Variants in EYS observed in about 807,000 individuals in gnomAD.
EYS encodes protein eyes shut homolog.
EYS carries 250 observed loss-of-function variants against 282.1 expected under a neutral mutation model. That is an observed-to-expected ratio of 0.89 (90% CI 0.80 to 0.98). The LOEUF (loss-of-function observed/expected upper bound fraction) is 0.98. Ranked by LOEUF, EYS falls within the 50% of genes least tolerant of loss-of-function variation. The probability of loss-of-function intolerance (pLI) is 0.00; values close to 1 mark genes in which losing one functional copy is unlikely to be tolerated. For synonymous variants in EYS, 1,355 were observed against 1,282.9 expected (o/e 1.06, Z -1.20); for missense variants, 4,016 against 3,709.0 (o/e 1.08, Z -2.15).
At chr6:64,533,239 ATAAT>A (rs1764409816) in intron 26 of EYS, among the ~76,000 whole-genome samples, 1 of 152,170 alleles carries the variant, frequency 6.6e-6, no homozygotes, top group African/African-American at 2.4e-5. Flanking sequence ...CTTCTCACAC[ATAAT>A]TAGAGCTAGA....
intron 31 of EYS, among the ~76,000 whole-genome samples, chr6:64,201,992 A>T (rs1426754539): frequency 1.3e-5 from 2 of 152,206 alleles, no homozygotes; most frequent in Admixed American, 1.3e-4. Flanking sequence ...GACAGACCCT[A>T]CAAAACATGT....
intron 33 of EYS, among the ~76,000 whole-genome samples, chr6:64,004,671 T>G (rs2149806695): frequency 6.6e-6 from 1 of 152,270 alleles, no homozygotes; most frequent in African/African-American, 2.4e-5. Flanking sequence ...CCCTTTGAGC[T>G]AAGCACTTAA....
At chr6:64,586,018 T>C (rs995469280) in intron 26 of EYS, among the ~76,000 whole-genome samples, 1 of 152,110 alleles carries the variant, frequency 6.6e-6, no homozygotes. Flanking sequence ...GTTTGAACTT[T>C]TTGTTGCTTA....
chr6:64,711,963 T>A (rs183368592), intron 22 of EYS, among the ~76,000 whole-genome samples: 85 of 151,986 alleles, frequency 5.6e-4, no homozygotes, highest in African/African-American at 2.0e-3. Context: ...TAGGAAAGGG[T>A]AGGTATATGT....
chr6:64,404,380 AGTGTGTGTGTGTGT>A (rs59373630), intron 28 of EYS, among the ~76,000 whole-genome samples: 2 of 93,702 alleles, frequency 2.1e-5, no homozygotes, highest in Admixed American at 2.2e-4. Flanking sequence ...AGAGTGTGAG[AGTGTGTGTGTGTGT>A]GTGTGTGTGT....
chr6:64,079,046 C>A (rs539488094), intron 32 of EYS, among the ~76,000 whole-genome samples: 3 of 152,170 alleles, frequency 2.0e-5, no homozygotes, highest in Admixed American at 1.3e-4. Flanking sequence ...TAAAAAATTG[C>A]AAAGCTAGAA....
intron 15 of EYS, among the ~76,000 whole-genome samples, chr6:64,942,714 T>C (rs1371782099): frequency 2.0e-5 from 3 of 149,508 alleles, no homozygotes; most frequent in African/African-American, 7.4e-5. Flanking sequence ...ATTGAATCAG[T>C]AATTTTAAAA....
intron 33 of EYS, among the ~76,000 whole-genome samples, chr6:64,028,077 G>A (rs1769622790): frequency 6.6e-6 from 1 of 152,208 alleles, no homozygotes; most frequent in South Asian, 2.1e-4. Context: ...TGTTATGCCT[G>A]AAAGTCCCAC....
intron 36 of EYS, chr6:63,821,525 G>A (rs1260827132): frequency 1.3e-5 from 2 of 152,214 alleles, no homozygotes; most frequent in Non-Finnish European, 2.9e-5. Context: ...TGCCTGGAAA[G>A]TCTAACAGGT....
At chr6:64,239,829 C>G (rs972305717) in intron 30 of EYS, among the ~76,000 whole-genome samples, 1 of 152,106 alleles carries the variant, frequency 6.6e-6, no homozygotes, top group Non-Finnish European at 1.5e-5. Context: ...AGCCTTTGCC[C>G]ATGGCTATGT....
chr6:64,962,798 C>T (rs1769969164), intron 14 of EYS, among the ~76,000 whole-genome samples: 1 of 151,796 alleles, frequency 6.6e-6, no homozygotes. Flanking sequence ...AACAAGTGCA[C>T]CAAATTCTGA....
At chr6:65,701,896 T>C (rs1322939855) in intron 1 of EYS, among the ~76,000 whole-genome samples, 6 of 152,210 alleles carry the variant, frequency 3.9e-5, no homozygotes, top group African/African-American at 1.4e-4. Flanking sequence ...GGCATTGAGT[T>C]GCATTCTTTT....
intron 2 of EYS, among the ~76,000 whole-genome samples, chr6:65,609,659 A>T (rs183960389): frequency 2.6e-5 from 4 of 152,254 alleles, no homozygotes; most frequent in African/African-American, 7.2e-5. Flanking sequence ...TCAGATATCT[A>T]ACATGGAAAT....
At chr6:64,888,614 C>G (rs1562244066) in intron 18 of EYS, among the ~76,000 whole-genome samples, 1 of 151,908 alleles carries the variant, frequency 6.6e-6, no homozygotes, top group East Asian at 1.9e-4. Flanking sequence ...AGGGAATTGA[C>G]TATAATCACC....
At chr6:65,679,651 C>T (rs1004506990) in intron 1 of EYS, among the ~76,000 whole-genome samples, 1 of 151,806 alleles carries the variant, frequency 6.6e-6, no homozygotes, top group African/African-American at 2.4e-5. Context: ...CAACACTGTA[C>T]TGTATAACTA....
At chr6:64,357,819 A>C (rs1428524195) in intron 29 of EYS, among the ~76,000 whole-genome samples, 4 of 151,600 alleles carry the variant, frequency 2.6e-5, no homozygotes, top group African/African-American at 9.7e-5. Context: ...TTAACTTGTA[A>C]ACAGGTGGCA....
At chr6:64,405,395 A>G (rs1003228297) in intron 28 of EYS, among the ~76,000 whole-genome samples, 1 of 152,168 alleles carries the variant, frequency 6.6e-6, no homozygotes, top group Admixed American at 6.6e-5. Flanking sequence ...AAAAACTGGA[A>G]GTATTCCCTT....
In EYS at chr6:65,362,086, T is replaced by C. The variant is rs1014922685; in HGVS notation, c.1300-8469A>G. 1.2e-4 allele frequency among the ~76,000 whole-genome samples: 18 copies of C among 152,120 alleles called. 1 individual carries two copies. The highest frequency in any genetic ancestry group is 4.6e-4 in the Admixed American group (7 of 15,240). ...TATTTCCTTTTAAAGATTTCTTTGA[T>C]TTTCAAAAGTATTACTACAAGAACA... On this transcript the variant is annotated intron_variant, in intron 8 of 42. Transcript: ENST00000503581.
intron 22 of EYS, among the ~76,000 whole-genome samples, chr6:64,675,769 T>G (rs985654032): frequency 2.0e-5 from 3 of 151,984 alleles, no homozygotes; most frequent in Non-Finnish European, 4.4e-5. Flanking sequence ...CATATGGAAT[T>G]AATTACAGCT....
Sources: allele counts gnomAD v4.1 joint callset (sites outside exome capture counted in the v4.1 genomes callset), GRCh38; gene constraint gnomAD v4.1.1; transcripts MANE v1.5; gene names NCBI Gene and HGNC (gene_info 2026-07-23, HGNC 2026-07-21).